The following PCDH15 variants were observed in gnomAD, a reference collection of about 807,000 sequenced individuals.
The protein encoded by PCDH15 is protocadherin related 15, also known as protocadherin-15.
In PCDH15, 129 loss-of-function variants were observed where a neutral mutation model predicts 178.5. That is an observed-to-expected ratio of 0.72 (90% confidence interval 0.63 to 0.84). The LOEUF is 0.84. Among genes scored for constraint, PCDH15 ranks in the 40% least tolerant of loss-of-function variants. PCDH15 has a pLI of 0.00. For synonymous variants in PCDH15, 800 were observed against 732.0 expected, an observed-to-expected ratio of 1.09 and a Z score of -1.50; for missense variants, 2,230 against 2,099.9, an observed-to-expected ratio of 1.06 and a Z score of -1.21.
intron 8 of PCDH15, among the ~76,000 whole-genome samples, chr10:54,294,859 T>C (rs1688934422): frequency 6.6e-6 from 1 of 152,232 alleles, no homozygotes; most frequent in African/African-American, 2.4e-5. Flanking sequence ...CATCATTTCA[T>C]AATATACACT....
At chr10:55,221,316 A>C (rs1443493984) in intron 1 of PCDH15, among the ~76,000 whole-genome samples, 1 of 152,132 alleles carries the variant, frequency 6.6e-6, no homozygotes, top group Non-Finnish European at 1.5e-5. Context: ...TAGGCTTTAA[A>C]ATATGGATAT....
At chr10:54,568,033 A>C (rs754727579) in intron 2 of PCDH15, among the ~76,000 whole-genome samples, 1 of 152,186 alleles carries the variant, frequency 6.6e-6, no homozygotes, top group Non-Finnish European at 1.5e-5. Context: ...GGCCCACTTG[A>C]GAAACTAAAT....
chr10:55,194,307 T>C (rs966704825), intron 1 of PCDH15, among the ~76,000 whole-genome samples: 3 of 152,074 alleles, frequency 2.0e-5, no homozygotes, highest in African/African-American at 7.3e-5. Context: ...AGAAAGAGTA[T>C]GACAGGTATG....
intron 2 of PCDH15, among the ~76,000 whole-genome samples, chr10:55,502,254 C>A (rs1458763467): frequency 6.6e-6 from 1 of 151,600 alleles, no homozygotes; most frequent in African/African-American, 2.4e-5. Flanking sequence ...TTATGCCGTG[C>A]CTACTAAATA....
chr10:54,577,388 G>A (rs952130339), intron 2 of PCDH15, among the ~76,000 whole-genome samples: 13 of 151,810 alleles, frequency 8.6e-5, no homozygotes, highest in African/African-American at 2.2e-4. Context: ...CACCGCTCCC[G>A]GCTGAAAATT....
intron 18 of PCDH15, among the ~76,000 whole-genome samples, chr10:54,064,391 T>G (rs987487287): frequency 2.0e-5 from 3 of 152,162 alleles, no homozygotes; most frequent in Admixed American, 1.3e-4. Flanking sequence ...CACCGTAAGT[T>G]TTCACTCTGG....
intron 10 of PCDH15, among the ~76,000 whole-genome samples, chr10:54,208,122 G>C (rs1008547559): frequency 8.6e-5 from 13 of 151,952 alleles, no homozygotes; most frequent in African/African-American, 2.4e-4. Flanking sequence ...AACACTTAGT[G>C]TATCAAAGGT....
At chr10:55,042,740 T>C (rs1840898227) in intron 2 of PCDH15, among the ~76,000 whole-genome samples, 2 of 152,132 alleles carry the variant, frequency 1.3e-5, no homozygotes, top group South Asian at 2.1e-4. Flanking sequence ...TAAGAAAATG[T>C]AGTGCTGGAT....
At chr10:54,260,343 T>G (rs1173613045) in intron 8 of PCDH15, among the ~76,000 whole-genome samples, 3 of 152,020 alleles carry the variant, frequency 2.0e-5, no homozygotes, top group African/African-American at 7.2e-5. Flanking sequence ...AATTTTTATT[T>G]AACATGAGTT....
At chr10:54,039,553 T>C (rs2082236174) in intron 18 of PCDH15, among the ~76,000 whole-genome samples, 1 of 151,984 alleles carries the variant, frequency 6.6e-6, no homozygotes, top group South Asian at 2.1e-4. Context: ...AGGAAAAACA[T>C]ACTTCAGATA....
intron 3 of PCDH15, among the ~76,000 whole-genome samples, chr10:54,853,102 A>C (rs1487119186): frequency 2.7e-5 from 4 of 149,854 alleles, no homozygotes; most frequent in South Asian, 2.1e-4. Flanking sequence ...CTCTACTAAA[A>C]ATACAAAAGT....
chr10:53,916,600 T>C (rs899219885), intron 25 of PCDH15, among the ~76,000 whole-genome samples: 4 of 152,204 alleles, frequency 2.6e-5, no homozygotes, highest in Non-Finnish European at 5.9e-5. Flanking sequence ...AAAGCAGCTA[T>C]TATGATATTA....
intron 2 of PCDH15, among the ~76,000 whole-genome samples, chr10:55,397,816 C>T (rs1355984778): frequency 6.6e-6 from 1 of 151,922 alleles, no homozygotes; most frequent in East Asian, 1.9e-4. Flanking sequence ...CGAACGAACT[C>T]CTGACCTCAT....
intron 6 of PCDH15, among the ~76,000 whole-genome samples, chr10:54,336,934 G>A (rs577462922): frequency 6.6e-6 from 1 of 152,228 alleles, no homozygotes; most frequent in African/African-American, 2.4e-5. Flanking sequence ...AAAGCAACAG[G>A]GGTGGAGCTG....
At chr10:55,455,291 A>G (rs1839525811) in intron 2 of PCDH15, among the ~76,000 whole-genome samples, 1 of 152,194 alleles carries the variant, frequency 6.6e-6, no homozygotes. Context: ...ATTGTATATT[A>G]TTATTTATAG....
intron 1 of PCDH15, among the ~76,000 whole-genome samples, chr10:54,682,936 T>A (rs1340550138): frequency 6.6e-6 from 1 of 152,128 alleles, no homozygotes; most frequent in Non-Finnish European, 1.5e-5. Context: ...GGGCTCTGAA[T>A]TGCTTAATAT....
chr10:55,580,667 C>T (rs572519127), intron 2 of PCDH15, among the ~76,000 whole-genome samples: 2 of 152,198 alleles, frequency 1.3e-5, no homozygotes, highest in African/African-American at 4.8e-5. Flanking sequence ...CCGGCCATTA[C>T]GATGGCTTTT....
intron 14 of PCDH15, among the ~76,000 whole-genome samples, chr10:54,138,480 T>C (rs916454114): frequency 6.6e-6 from 1 of 152,164 alleles, no homozygotes; most frequent in Non-Finnish European, 1.5e-5. Flanking sequence ...CATAGCAAAG[T>C]AGAATTCAGT....
At chr10:54,845,397 C>T (rs1465609864) in intron 3 of PCDH15, among the ~76,000 whole-genome samples, 1 of 152,008 alleles carries the variant, frequency 6.6e-6, no homozygotes, top group Non-Finnish European at 1.5e-5. Flanking sequence ...CCATTACTTG[C>T]TTCCTCGATC....
Sources: gnomAD v4.1 joint callset for allele counts (sites outside exome capture counted in the v4.1 genomes callset) on GRCh38, gnomAD v4.1.1 for gene constraint, MANE v1.5 for transcripts, NCBI Gene and HGNC (gene_info 2026-07-23, HGNC 2026-07-21) for gene names.